The following MAP4 variants were observed in gnomAD, a reference collection of about 807,000 sequenced individuals.
The protein encoded by MAP4 is microtubule associated protein 4.
Under a neutral mutation model 170.2 loss-of-function variants are expected in MAP4, and 76 were observed. That is an observed-to-expected ratio of 0.45 (90% confidence interval 0.37 to 0.54). MAP4 has a LOEUF of 0.54. Ranked by LOEUF, MAP4 falls within the 20% of genes least tolerant of loss-of-function variation. The pLI is 0.00. For synonymous variants in MAP4, 909 were observed against 994.5 expected (o/e 0.91, Z 1.62); for missense variants, 2,506 against 2,748.0 (o/e 0.91, Z 1.97).
At chr3:48,046,025 T>C (rs2100124418) in intron 1 of MAP4, among the ~76,000 whole-genome samples, 2 of 151,712 alleles carry the variant, frequency 1.3e-5, no homozygotes, top group Non-Finnish European at 2.9e-5. Flanking sequence ...TTTCTTCACT[T>C]ATGTAGATAA....
At chr3:48,026,760 C>A (rs1460456642) in intron 1 of MAP4, among the ~76,000 whole-genome samples, 1 of 151,952 alleles carries the variant, frequency 6.6e-6, no homozygotes, top group Non-Finnish European at 1.5e-5. Flanking sequence ...GATGAACACC[C>A]ACCTACATCA....
chr3:47,920,702 C>G (rs559624142), intron 5 of MAP4, among the ~76,000 whole-genome samples: 38 of 152,252 alleles, frequency 2.5e-4, no homozygotes, highest in African/African-American at 8.4e-4. Context: ...CAGGCATGTG[C>G]CACCACGCCT....
intron 1 of MAP4, among the ~76,000 whole-genome samples, chr3:48,084,619 C>G (rs575815336): frequency 3.3e-5 from 5 of 150,498 alleles, no homozygotes; most frequent in African/African-American, 9.8e-5. Flanking sequence ...GCTCTTTCAG[C>G]AAGGCTGAAG....
In MAP4 at chr3:47,918,780, A is replaced by C; in HGVS notation, c.591T>G (p.Ser197=). ...GGGAAACAAAGGACTCTGAGTGTGG[A>C]GAGTTTAAGGCTTCCACAGACCACC... ...PQGWSVEALN[S]PHSESFVSPE... Residue 197 remains serine (S), a synonymous_variant, in exon 6 of 21, where the codon TCT becomes TCG. Coordinates refer to ENST00000683076, the MANE Select transcript of MAP4 (RefSeq NM_001385682.1). 1 of 1,612,308 alleles carries C rather than the reference A, an allele frequency of 6.2e-7. No individual in the cohort carries two copies. The highest frequency in any genetic ancestry group is 8.5e-7 in the Non-Finnish European group (1 of 1,178,362).
At chr3:47,898,793 GA>G (rs1199481374) in intron 10 of MAP4, among the ~76,000 whole-genome samples, 1 of 151,980 alleles carries the variant, frequency 6.6e-6, no homozygotes, top group Non-Finnish European at 1.5e-5. Flanking sequence ...AAAAAAATAA[GA>G]AAAAAATGTT....
At chr3:48,022,887 T>C (rs2100111255) in intron 1 of MAP4, among the ~76,000 whole-genome samples, 1 of 119,162 alleles carries the variant, frequency 8.4e-6, no homozygotes, top group African/African-American at 3.3e-5. Flanking sequence ...TGACACTCCA[T>C]CTCAGGGGGG....
chr3:47,931,200 C>A (rs1033205986), intron 3 of MAP4, among the ~76,000 whole-genome samples: 4 of 151,794 alleles, frequency 2.6e-5, no homozygotes, highest in African/African-American at 9.7e-5. Context: ...CATAGTGAGA[C>A]CCTGTCTCTA....
intron 1 of MAP4, among the ~76,000 whole-genome samples, chr3:48,002,706 C>G (rs1183761143): frequency 6.6e-6 from 1 of 151,932 alleles, no homozygotes; most frequent in African/African-American, 2.4e-5. Flanking sequence ...CACGGTGAAA[C>G]CCCATTTCTA....
At chr3:47,979,223 C>A (rs1375043812) in intron 2 of MAP4, among the ~76,000 whole-genome samples, 1 of 139,040 alleles carries the variant, frequency 7.2e-6, no homozygotes, top group Non-Finnish European at 1.6e-5. Context: ...TATTCCTGTA[C>A]CTAATAATTA....
rs2100047164 is a variant in MAP4, at chr3:47,928,239, G to C, written c.404C>G (p.Pro135Arg). ...AAGCCAACACTTACCAGTCTGGATA[G>C]GATCGACCACTTGCTCAGGTTGGAA... ...FCFQPEQVVD[P>R]IQTDPFKMYH... Residue 135 changes from proline (P) to arginine (R), a missense_variant, in exon 4 of 21, where the codon CCT becomes CGT. Pro to Arg is a moderately radical substitution (Grantham distance 103, BLOSUM62 -2). This residue lies in a region of MAP4 where 2,008 missense variants were observed against 2,206.0 expected (regional missense o/e 0.91). Transcript: ENST00000683076. 1.2e-6 allele frequency: 2 copies of C among 1,614,180 alleles called. No individual in the cohort carries two copies. Among genetic ancestry groups the C allele is most frequent in the Non-Finnish European group, 1.7e-6 (2 of 1,180,034 alleles).
chr3:48,056,689 C>A (rs2100131983), intron 1 of MAP4, among the ~76,000 whole-genome samples: 1 of 116,626 alleles, frequency 8.6e-6, no homozygotes, highest in Non-Finnish European at 1.8e-5. Flanking sequence ...TCCGCCCGGC[C>A]AGCCGCCCCG....
chr3:48,025,336 T>C (rs1460394994), intron 1 of MAP4, among the ~76,000 whole-genome samples: 1 of 150,574 alleles, frequency 6.6e-6, no homozygotes, highest in Non-Finnish European at 1.5e-5. Context: ...TCATGCAGGC[T>C]AGAGTGCAAT....
Position 47,910,822 on chromosome 3 carries a change from T to C in MAP4, c.3599A>G (p.Glu1200Gly). The change falls in exon 9 of 21, where the codon GAG becomes GGG. Residue 1200 changes from glutamate (E) to glycine (G), a missense_variant. Coordinates refer to ENST00000683076, the MANE Select transcript of MAP4 (RefSeq NM_001385682.1). ...CTTTTCAGAAATCCAGGGAGCTGCC[T>C]CATGATCCTTCCATGGACACCTTCC... ...KEGRCPWKDHEAAPWISEKPK... is the reference protein window; with the variant it reads ...KEGRCPWKDHGAAPWISEKPK... The C allele has an allele frequency of 6.5e-7, 1 of 1,536,136 alleles. No homozygotes were observed. Among genetic ancestry groups the C allele is most frequent in the Non-Finnish European group, 8.7e-7 (1 of 1,146,904 alleles).
At chr3:47,868,219 G>T (rs1210716339) in intron 16 of MAP4, among the ~76,000 whole-genome samples, 1 of 152,144 alleles carries the variant, frequency 6.6e-6, no homozygotes, top group African/African-American at 2.4e-5. Context: ...AGAATCCTAG[G>T]ACCTTCTCAA....
At chr3:47,859,631 A>G (rs1005485983) in intron 17 of MAP4, among the ~76,000 whole-genome samples, 1 of 152,150 alleles carries the variant, frequency 6.6e-6, no homozygotes, top group Admixed American at 6.5e-5. Context: ...TCTCTTTCTC[A>G]TATCATCTCT....
chr3:48,080,224 A>C (rs1025382209), intron 1 of MAP4, among the ~76,000 whole-genome samples: 5 of 152,234 alleles, frequency 3.3e-5, no homozygotes, highest in Non-Finnish European at 5.9e-5. Flanking sequence ...CTAAAATGAC[A>C]AATCTGCAAA....
At chr3:48,017,242 C>A (rs898772404), upstream of MAP4, among the ~76,000 whole-genome samples, 1 of 152,174 alleles carries the variant, frequency 6.6e-6, no homozygotes, top group Non-Finnish European at 1.5e-5. Flanking sequence ...CAGAGCGTGA[C>A]AAAATAAGCA....
In MAP4 at chr3:47,875,451, T is replaced by C. The variant is rs372054527; in HGVS notation, c.5757+234A>G. Among the ~76,000 whole-genome samples the C allele has an allele frequency of 3.3e-4, 50 of 152,212 alleles. No individual in the cohort carries two copies. The East Asian group carries it at 3.9e-3, about 12-fold the overall frequency. On this transcript the variant is annotated intron_variant, in intron 12 of 20. Transcript: ENST00000683076. ...AATGTCTGCATCAATGGGCCCCAAA[T>C]TGATTTCCTTTTCTTTTTTCTTTTT...
In MAP4 at chr3:48,004,909, A is replaced by G. The variant is rs990431355; in HGVS notation, c.-19-6030T>C. Among the ~76,000 whole-genome samples, 5 of 152,030 alleles carry G rather than the reference A, an allele frequency of 3.3e-5. No homozygotes were observed. In the East Asian group the frequency reaches 9.6e-4, roughly 29 times the overall value. On this transcript the variant is annotated intron_variant, in intron 1 of 20. Coordinates refer to ENST00000683076, the MANE Select transcript of MAP4 (RefSeq NM_001385682.1). ...CCCTGAGCTGCCTGAGGCAAGAGTC[A>G]TGGCCTCCTCTCAGGCAGTTGCCAG... is the stretch of plus-strand genomic sequence containing the variant.
Sources: gnomAD v4.1 joint callset for allele counts (sites outside exome capture counted in the v4.1 genomes callset) on GRCh38, gnomAD v4.1.1 for gene constraint, gnomAD v4.1.1 regional missense constraint, MANE v1.5 for transcripts, NCBI Gene and HGNC (gene_info 2026-07-23, HGNC 2026-07-21) for gene names.